Variants in LPP observed in about 807,000 individuals in gnomAD.
LPP encodes lipoma-preferred partner.
A neutral mutation model predicts 60.4 loss-of-function variants in LPP; 38 were observed. The observed-to-expected ratio is 0.63, with a 90% CI of 0.49 to 0.83. The LOEUF (loss-of-function observed/expected upper bound fraction) is 0.83. Among genes scored for constraint, LPP ranks in the 40% least tolerant of loss-of-function variants. LPP has a pLI of 0.00. For synonymous variants in LPP, 328 were observed against 290.8 expected (o/e 1.13, Z -1.30); for missense variants, 902 against 783.6 (o/e 1.15, Z -1.80).
chr3:188,207,111 C>T (rs1733452088), intron 1 of LPP, among the ~76,000 whole-genome samples: 1 of 151,838 alleles, frequency 6.6e-6, no homozygotes, highest in African/African-American at 2.4e-5. Flanking sequence ...AATTCAATTG[C>T]CTCAGGCTAC....
At chr3:188,863,808 C>T (rs1765869757) in intron 9 of LPP, among the ~76,000 whole-genome samples, 1 of 152,088 alleles carries the variant, frequency 6.6e-6, no homozygotes, top group African/African-American at 2.4e-5. Flanking sequence ...ATCTGTAGAC[C>T]ACAAGGTCTT....
intron 2 of LPP, among the ~76,000 whole-genome samples, chr3:188,292,136 C>T (rs188115886): frequency 6.9e-4 from 105 of 152,266 alleles, no homozygotes; most frequent in African/African-American, 2.2e-3. Flanking sequence ...CAAAGCATTT[C>T]GTGAACCTTG....
chr3:188,831,055 A>C (rs1416065062), intron 9 of LPP, among the ~76,000 whole-genome samples: 1 of 152,214 alleles, frequency 6.6e-6, no homozygotes, highest in Non-Finnish European at 1.5e-5. Flanking sequence ...TGTAGGCTGA[A>C]TTATAAAGCT....
intron 7 of LPP, among the ~76,000 whole-genome samples, chr3:188,668,117 T>C (rs1283492957): frequency 6.6e-6 from 1 of 151,918 alleles, no homozygotes; most frequent in Non-Finnish European, 1.5e-5. Context: ...CCTCAGTATA[T>C]AGAGAGAGTA....
chr3:188,207,293 A>G (rs1733547898), intron 1 of LPP, among the ~76,000 whole-genome samples: 1 of 140,790 alleles, frequency 7.1e-6, no homozygotes, highest in Non-Finnish European at 1.5e-5. Context: ...GTGCAGTGGC[A>G]TAATCTTAGC....
intron 7 of LPP, among the ~76,000 whole-genome samples, chr3:188,675,425 T>C (rs1266969613): frequency 6.6e-6 from 1 of 152,118 alleles, no homozygotes; most frequent in South Asian, 2.1e-4. Flanking sequence ...AAGAAGTAAA[T>C]AAAGAATGGT....
At chr3:188,334,512 TCCTGG>T (rs1761100511) in intron 2 of LPP, among the ~76,000 whole-genome samples, 1 of 114,330 alleles carries the variant, frequency 8.7e-6, no homozygotes, top group African/African-American at 4.0e-5. Flanking sequence ...AAGCTCCGCC[TCCTGG>T]CCTCCTGGGT....
intron 4 of LPP, among the ~76,000 whole-genome samples, chr3:188,421,414 A>C (rs1396151010): frequency 6.6e-6 from 1 of 151,898 alleles, no homozygotes; most frequent in Non-Finnish European, 1.5e-5. Context: ...ACTCTATTCT[A>C]CCTCCCTTCA....
chr3:188,684,894 T>C (rs997792571), intron 7 of LPP, among the ~76,000 whole-genome samples: 1 of 152,200 alleles, frequency 6.6e-6, no homozygotes, highest in Non-Finnish European at 1.5e-5. Context: ...TATTTTAAGA[T>C]CCCTGAATAT....
intron 5 of LPP, among the ~76,000 whole-genome samples, chr3:188,512,593 A>AAATAAATAAAT (rs567257924): frequency 6.6e-6 from 1 of 151,550 alleles, no homozygotes; most frequent in East Asian, 1.9e-4. Flanking sequence ...ATAAATAAAT[A>AAATAAATAAAT]AAGTTCCCAC....
At chr3:188,631,144 A>G (rs764173284) in intron 7 of LPP, among the ~76,000 whole-genome samples, 6 of 152,178 alleles carry the variant, frequency 3.9e-5, no homozygotes, top group Non-Finnish European at 8.8e-5. Flanking sequence ...TGATGTAACA[A>G]ACCTGCACAT....
Position 188,187,284 on chromosome 3 carries a change from T to C in LPP, c.-190+33032T>C, listed in dbSNP as rs149908416. 3.9e-5 allele frequency among the ~76,000 whole-genome samples: 6 copies of C among 152,290 alleles called. No homozygotes were observed. In the East Asian group the frequency reaches 1.2e-3, roughly 29 times the overall value. ...TTGCTTAATACAGGGCTAAGTCATG[T>C]GCTGTGGTTTCATTTCCTTTTCTGG... On this transcript the variant is annotated intron_variant, in intron 1 of 11. Coordinates refer to ENST00000617246, the MANE Select transcript of LPP (RefSeq NM_001375462.1).
chr3:188,232,209 G>A (rs1166478694), intron 2 of LPP, among the ~76,000 whole-genome samples: 1 of 152,158 alleles, frequency 6.6e-6, no homozygotes, highest in Non-Finnish European at 1.5e-5. Flanking sequence ...TAAAATTATG[G>A]TCAAGCTTAT....
At chr3:188,209,161 C>T (rs1734053984) in intron 1 of LPP, among the ~76,000 whole-genome samples, 1 of 152,180 alleles carries the variant, frequency 6.6e-6, no homozygotes, top group African/African-American at 2.4e-5. Flanking sequence ...ACTGGAGTCT[C>T]CTAAACCAGT....
intron 9 of LPP, among the ~76,000 whole-genome samples, chr3:188,814,545 T>C (rs1751947843): frequency 1.3e-5 from 2 of 152,228 alleles, no homozygotes; most frequent in African/African-American, 4.8e-5. Context: ...TTGAATTCCA[T>C]GTACTTTTTT....
intron 4 of LPP, among the ~76,000 whole-genome samples, chr3:188,437,230 G>T (rs1578881851): frequency 6.6e-6 from 1 of 152,150 alleles, no homozygotes; most frequent in Admixed American, 6.5e-5. Flanking sequence ...TAGGATTCAG[G>T]CCTAAATGGA....
At position 188,496,300 on chromosome 3, in the gene LPP, A is replaced by AT. The variant is rs371118699; in HGVS notation, c.306+11604dup. On this transcript the variant is annotated intron_variant, in intron 5 of 11. Transcript: ENST00000617246. ...GCCATCACACCTGGCTAATTTTTGT[A>AT]TTTTTTTTAGTAGAGACAAGGTTTC... 1.1e-3 allele frequency among the ~76,000 whole-genome samples: 172 copies of AT among 151,348 alleles called. 3 individuals are homozygous for AT. Among genetic ancestry groups the AT allele is most frequent in the African/African-American group, 4.0e-3 (163 of 41,264 alleles).
chr3:188,359,903 G>A (rs1353008547), intron 3 of LPP, among the ~76,000 whole-genome samples: 2 of 152,018 alleles, frequency 1.3e-5, no homozygotes, highest in Non-Finnish European at 2.9e-5. Context: ...CCTAAAACTC[G>A]ATCTGGGTTA....
intron 2 of LPP, among the ~76,000 whole-genome samples, chr3:188,308,498 A>T (rs958273950): frequency 6.6e-5 from 10 of 152,202 alleles, no homozygotes; most frequent in African/African-American, 2.2e-4. Context: ...CCCATCTGAA[A>T]ATTGATGGAT....
Sources: gnomAD v4.1 joint callset for allele counts (sites outside exome capture counted in the v4.1 genomes callset) on GRCh38, gnomAD v4.1.1 for gene constraint, MANE v1.5 for transcripts, NCBI Gene and HGNC (gene_info 2026-07-23, HGNC 2026-07-21) for gene names.